PARN: variants seen among roughly 807,000 people sequenced by gnomAD.
The protein encoded by PARN is poly(A)-specific ribonuclease, also known as poly(A)-specific ribonuclease PARN.
In PARN, 71 loss-of-function variants were observed where a neutral mutation model predicts 102.8. The ratio of observed to expected loss-of-function variants is 0.69; its 90% CI spans 0.57 to 0.84. The LOEUF is 0.84. PARN is among the 40% of genes least tolerant of loss of function. The pLI is 0.00. For synonymous variants in PARN, 261 were observed against 252.9 expected (o/e 1.03, Z -0.30); for missense variants, 782 against 760.9 (o/e 1.03, Z -0.33).
chr16:14,549,814 C>A (rs79188449), intron 21 of PARN, among the ~76,000 whole-genome samples: 6,585 of 152,262 alleles, frequency 0.043, 154 homozygotes, highest in African/African-American at 0.054. Context: ...TCTTTGCTGG[C>A]AACTTAATAT....
intron 23 of PARN, among the ~76,000 whole-genome samples, chr16:14,436,991 G>A (rs995165026): frequency 6.6e-6 from 1 of 152,186 alleles, no homozygotes; most frequent in African/African-American, 2.4e-5. Context: ...TCATGGGGGC[G>A]CGGAGGAAGC....
intron 21 of PARN, among the ~76,000 whole-genome samples, chr16:14,488,568 G>A (rs888150523): frequency 6.6e-6 from 1 of 152,202 alleles, no homozygotes; most frequent in Admixed American, 6.5e-5. Context: ...CAAGGCATGA[G>A]AAGCACGGTC....
At chr16:14,579,258 A>G (rs1969354217) in intron 18 of PARN, among the ~76,000 whole-genome samples, 1 of 152,202 alleles carries the variant, frequency 6.6e-6, no homozygotes, top group Admixed American at 6.5e-5. Flanking sequence ...GTAAGCCACT[A>G]TACCCAGCCC....
At chr16:14,496,590 T>C (rs1473112873) in intron 21 of PARN, among the ~76,000 whole-genome samples, 4 of 152,182 alleles carry the variant, frequency 2.6e-5, no homozygotes, top group Admixed American at 6.5e-5. Context: ...AAAATTAAGA[T>C]TGATGTCTCA....
At chr16:14,541,434 G>C (rs1179738079) in intron 21 of PARN, among the ~76,000 whole-genome samples, 4 of 152,086 alleles carry the variant, frequency 2.6e-5, no homozygotes, top group African/African-American at 7.2e-5. Context: ...TTTGTAGTTT[G>C]AGTCTAACAA....
chr16:14,555,779 G>T, intron 18 of PARN, 70 bp from the exon 19 acceptor site: 2 of 749,890 alleles, frequency 2.7e-6, no homozygotes, highest in Non-Finnish European at 4.1e-6. Context: ...CATTTTTAAG[G>T]TTGAATTAGA....
chr16:14,618,716 A>T (rs948455563), intron 5 of PARN, among the ~76,000 whole-genome samples: 4 of 152,048 alleles, frequency 2.6e-5, no homozygotes, highest in Admixed American at 2.0e-4. Context: ...ATAGGCAGAA[A>T]GCTCCTGATC....
At position 14,584,799 on chromosome 16, in the gene PARN, G is replaced by C. The variant is rs776032605; in HGVS notation, c.963-8C>G. 7.9e-6 allele frequency: 12 copies of C among 1,520,184 alleles called. No homozygotes were observed. The South Asian group carries it at 1.4e-4, about 17-fold the overall frequency. The allele number at this position is 1,520,184 out of a possible 1,614,324, so 94.2% of individuals were successfully genotyped here. Reference sequence around the variant, plus strand: ...AATTTAGTATCCAAGAGTCTAAAAAGAATTTTTAACAAGGTAAACAAAATG... The same window carrying C: ...AATTTAGTATCCAAGAGTCTAAAAACAATTTTTAACAAGGTAAACAAAATG... On this transcript the variant is annotated splice_region_variant and splice_polypyrimidine_tract_variant and intron_variant, in intron 14 of 23. Coordinates refer to ENST00000437198, the MANE Select transcript of PARN (RefSeq NM_002582.4).
At chr16:14,457,797 C>CAA (rs35170336) in intron 22 of PARN, among the ~76,000 whole-genome samples, 422 of 30,146 alleles carry the variant, frequency 0.014, 37 homozygotes, top group African/African-American at 0.019. Flanking sequence ...GACTCTGTCT[C>CAA]AAAAAAAAAA....
At chr16:14,503,411 T>C (rs756903546) in intron 21 of PARN, among the ~76,000 whole-genome samples, 18 of 151,702 alleles carry the variant, frequency 1.2e-4, no homozygotes, top group East Asian at 1.9e-4. Context: ...GCAAAGGTGA[T>C]AGAAACGCAC....
chr16:14,630,012 C>T (rs1972940477), intron 1 of PARN, 95 bp downstream of exon 1: 1 of 1,174,974 alleles, frequency 8.5e-7, no homozygotes, highest in African/African-American at 1.5e-5. Context: ...TGCCTCAGCC[C>T]CAGGCCCAGC....
chr16:14,601,186 T>C (rs1023648357), intron 11 of PARN, among the ~76,000 whole-genome samples: 6 of 152,178 alleles, frequency 3.9e-5, no homozygotes, highest in South Asian at 2.1e-4. Context: ...AAGAGCATTA[T>C]TCACAATAGT....
chr16:14,435,931 C>G lies in PARN; in HGVS notation c.*786G>C, dbSNP rs1016688758. The G allele has an allele frequency of 6.6e-6, 1 of 152,622 alleles. No homozygotes were observed. Among genetic ancestry groups the G allele is most frequent in the Non-Finnish European group, 1.5e-5 (1 of 68,838 alleles). 9.5% of individuals were successfully genotyped at this position (152,622 alleles called of 1,614,324 possible). ...ACACACACACACACACACACACACACACACACACACACAGACACGTACGCA... is the reference window on the plus strand; with the variant it reads ...ACACACACACACACACACACACACAGACACACACACACAGACACGTACGCA... On this transcript the variant is annotated 3_prime_UTR_variant, in exon 24 of 24. Transcript: ENST00000437198.
At chr16:14,613,681 G>A (rs867015285) in intron 6 of PARN, among the ~76,000 whole-genome samples, 14 of 152,058 alleles carry the variant, frequency 9.2e-5, no homozygotes, top group South Asian at 2.1e-4. Context: ...AACAATGAAC[G>A]TAGAAAACCA....
At chr16:14,521,359 C>T (rs1965722648) in intron 21 of PARN, among the ~76,000 whole-genome samples, 1 of 152,222 alleles carries the variant, frequency 6.6e-6, no homozygotes, top group Non-Finnish European at 1.5e-5. Context: ...CCTGCGTCAC[C>T]CCATCCTCCA....
intron 18 of PARN, among the ~76,000 whole-genome samples, chr16:14,574,372 A>T (rs1279191490): frequency 6.6e-6 from 1 of 152,180 alleles, no homozygotes; most frequent in Non-Finnish European, 1.5e-5. Context: ...TTTATGAGGG[A>T]AGTAGAGCAC....
chr16:14,470,743 G>T (rs1023753884), intron 22 of PARN, among the ~76,000 whole-genome samples: 1 of 152,102 alleles, frequency 6.6e-6, no homozygotes, highest in Non-Finnish European at 1.5e-5. Context: ...ATAGGCATGA[G>T]GCATCTGGCC....
chr16:14,510,060 T>C (rs777613785), intron 21 of PARN, among the ~76,000 whole-genome samples: 5 of 152,172 alleles, frequency 3.3e-5, no homozygotes, highest in African/African-American at 1.2e-4. Context: ...GATGTTCCCG[T>C]TGAGAAGGAT....
chr16:14,617,073 T>C (rs1971952303), intron 6 of PARN, among the ~76,000 whole-genome samples: 1 of 150,692 alleles, frequency 6.6e-6, no homozygotes, highest in African/African-American at 2.4e-5. Context: ...TTTTGTTTTT[T>C]TTTAAAAAAA....
Sources: allele counts gnomAD v4.1 joint callset (sites outside exome capture counted in the v4.1 genomes callset), GRCh38; gene constraint gnomAD v4.1.1; transcripts MANE v1.5; gene names NCBI Gene and HGNC (gene_info 2026-07-23, HGNC 2026-07-21).